The following PLEKHG4B variants were observed in gnomAD, a reference collection of about 807,000 sequenced individuals.
The protein encoded by PLEKHG4B is pleckstrin homology and RhoGEF domain containing G4B.
PLEKHG4B carries 111 observed loss-of-function variants against 121.3 expected under a neutral mutation model. That is an observed-to-expected ratio of 0.92 (90% confidence interval 0.78 to 1.07). The LOEUF is 1.07. Ranked by LOEUF, PLEKHG4B falls within the 50% of genes least tolerant of loss-of-function variation. PLEKHG4B has a pLI of 0.00. For synonymous variants in PLEKHG4B, 738 were observed against 725.0 expected (o/e 1.02, Z -0.29); for missense variants, 1,831 against 1,757.8 (o/e 1.04, Z -0.74).
At chr5:105,805 G>A (rs1311850121) in intron 1 of PLEKHG4B, among the ~76,000 whole-genome samples, 3 of 152,024 alleles carry the variant, frequency 2.0e-5, no homozygotes, top group East Asian at 1.9e-4. Context: ...TCAAGACGAC[G>A]TAAGCAGGAA....
At position 113,155 on chromosome 5, in the gene PLEKHG4B, CT is replaced by C; in HGVS notation, c.46-94del. 2.5e-6 allele frequency: 1 copy of C among 398,318 alleles called. No individual in the cohort carries two copies. The highest frequency in any genetic ancestry group is 4.4e-6 in the Non-Finnish European group (1 of 226,080). The allele number at this position is 398,318 out of a possible 1,614,324, so 24.7% of individuals were successfully genotyped here. ...ATCATGCCAGACACAGGACAAGGGA[CT>C]TCCGTGTGGATCCTTCAGTGCCAGC... On this transcript the variant is annotated intron_variant, in intron 1 of 19. Coordinates refer to ENST00000637938, the MANE Select transcript of PLEKHG4B (RefSeq NM_052909.5). This position sits in a 1 kb window ranked among gnomAD's most constrained non-coding sequence, Gnocchi z 5.2.
At chr5:131,342 T>G (rs1187879681) in intron 2 of PLEKHG4B, among the ~76,000 whole-genome samples, 1 of 152,234 alleles carries the variant, frequency 6.6e-6, no homozygotes, top group Non-Finnish European at 1.5e-5. Flanking sequence ...TTCCCACCTA[T>G]GACAGGGAAC....
chr5:164,881 C>T lies in PLEKHG4B; in HGVS notation c.3476+1333C>T, dbSNP rs186266793. On this transcript the variant is annotated intron_variant, in intron 13 of 19. Transcript: ENST00000637938. The stretch of plus-strand genomic sequence containing the variant: ...GGCGGGGCTCACAGTAATGCTCTGA[C>T]GGGGCGGAGCTCACACAGTAATGCT... Among the ~76,000 whole-genome samples, 163 of 71,688 alleles carry T rather than the reference C, an allele frequency of 2.3e-3. 10 individuals carry two copies. The highest frequency in any genetic ancestry group is 8.0e-3 in the African/African-American group (152 of 18,896). The allele number at this position is 71,688 out of a possible 152,430, so 47.0% of individuals were successfully genotyped here.
intron 16 of PLEKHG4B, among the ~76,000 whole-genome samples, chr5:172,279 T>C (rs1267030771): frequency 6.6e-6 from 1 of 152,168 alleles, no homozygotes; most frequent in Non-Finnish European, 1.5e-5. Context: ...ATGGAGGTCA[T>C]GGGAGAGGCT....
chr5:151,667 G>A, intron 7 of PLEKHG4B, 68 bp downstream of exon 7: 1 of 1,024,128 alleles, frequency 9.8e-7, no homozygotes, highest in South Asian at 1.6e-5. Context: ...TAGATGAGAT[G>A]AAACACATGA....
intron 2 of PLEKHG4B, among the ~76,000 whole-genome samples, chr5:129,864 A>G (rs62344115): frequency 0.011 from 1,599 of 152,068 alleles, 14 homozygotes; most frequent in Non-Finnish European, 0.017. Context: ...AGTCCTGACC[A>G]CTCACAGCTG....
rs139636561 is a variant in PLEKHG4B, at chr5:135,665, C to CAAAA, written c.244-3803_244-3800dup. 3.4e-3 allele frequency among the ~76,000 whole-genome samples: 62 copies of CAAAA among 18,080 alleles called. 2 individuals are homozygous for CAAAA. The highest frequency in any genetic ancestry group is 4.1e-3 in the Non-Finnish European group (47 of 11,472). The allele number at this position is 18,080 out of a possible 152,430, so 11.9% of individuals were successfully genotyped here. ...TGGGCGACAAAGCAAGACTCCATCT[C>CAAAA]AAAAAAAAAAAAAAAAAATATATAT... On this transcript the variant is annotated intron_variant, in intron 2 of 19. Coordinates refer to ENST00000637938, the MANE Select transcript of PLEKHG4B (RefSeq NM_052909.5).
Position 121,458 on chromosome 5 carries a change from T to A in PLEKHG4B, c.243+8010T>A, listed in dbSNP as rs78085950. ...AACAAAACCTCAGTAACTGGTGTCA[T>A]TATCAAGCAGTCGAAATGTGTATAG... On this transcript the variant is annotated intron_variant, in intron 2 of 19. Coordinates refer to ENST00000637938, the MANE Select transcript of PLEKHG4B (RefSeq NM_052909.5). Among the ~76,000 whole-genome samples the A allele has an allele frequency of 7.0e-3, 1,058 of 152,216 alleles. 12 individuals carry two copies. Among genetic ancestry groups the A allele is most frequent in the African/African-American group, 0.024 (999 of 41,532 alleles).
intron 1 of PLEKHG4B, among the ~76,000 whole-genome samples, chr5:99,033 G>A (rs1733716793): frequency 6.8e-6 from 1 of 146,202 alleles, no homozygotes; most frequent in African/African-American, 2.5e-5. Flanking sequence ...CTGTGCACCT[G>A]TAATCCCAGC....
At chr5:145,501 C>T (rs1379453063) in intron 6 of PLEKHG4B, among the ~76,000 whole-genome samples, 2 of 152,242 alleles carry the variant, frequency 1.3e-5, no homozygotes, top group Admixed American at 6.5e-5. Context: ...GCTAGGACTA[C>T]AGGCGCATGC....
At chr5:133,476 A>C (rs1432624189) in intron 2 of PLEKHG4B, among the ~76,000 whole-genome samples, 1 of 152,234 alleles carries the variant, frequency 6.6e-6, no homozygotes, top group Non-Finnish European at 1.5e-5. Flanking sequence ...GGCTAAGGAC[A>C]TGAATAGACA....
intron 2 of PLEKHG4B, among the ~76,000 whole-genome samples, chr5:127,133 C>T (rs994421229): frequency 1.3e-5 from 2 of 152,006 alleles, no homozygotes; most frequent in Non-Finnish European, 2.9e-5. Context: ...TTCTTATTGG[C>T]GCAACTGCCA....
At chr5:124,129 C>T (rs1202712526) in intron 2 of PLEKHG4B, among the ~76,000 whole-genome samples, 1 of 151,846 alleles carries the variant, frequency 6.6e-6, no homozygotes, top group African/African-American at 2.4e-5. Flanking sequence ...GATTAATTTC[C>T]ACAATTTTGT....
chr5:169,189 G>T, intron 13 of PLEKHG4B, 151 bp from the exon 14 acceptor site: 1 of 1,087,076 alleles, frequency 9.2e-7, no homozygotes, highest in Non-Finnish European at 1.3e-6. Context: ...CTTTTTTATC[G>T]TGCATCCCAC....
At chr5:142,242 G>A (rs1735230542) in intron 3 of PLEKHG4B, among the ~76,000 whole-genome samples, 1 of 151,994 alleles carries the variant, frequency 6.6e-6, no homozygotes, top group Non-Finnish European at 1.5e-5. Flanking sequence ...CCTTTGTATT[G>A]ATTTTCTTCC....
At chr5:108,357 C>T (rs575930666) in intron 1 of PLEKHG4B, among the ~76,000 whole-genome samples, 14 of 152,328 alleles carry the variant, frequency 9.2e-5, no homozygotes, top group Admixed American at 7.8e-4. Context: ...GTACCAACTT[C>T]GGGCCAACGG....
rs557331812 is a variant in PLEKHG4B at position 144,982 on chromosome 5, G to A, written c.1905+62G>A. 4.9e-4 allele frequency: 731 copies of A among 1,478,714 alleles called. 5 individuals are homozygous for A. In the South Asian group the frequency reaches 8.0e-3, roughly 16 times the overall value. The allele number at this position is 1,478,714 out of a possible 1,614,324, so 91.6% of individuals were successfully genotyped here. On this transcript the variant is annotated intron_variant, in intron 6 of 19. Transcript: ENST00000637938. ...GCATCGTAGGGCCGTGTGTTGCTGG[G>A]GCTGCCCACATCGTGGTTCTGGAGT...
At chr5:174,191 A>T in intron 18 of PLEKHG4B, 93 bp downstream of exon 18, 5 of 594,530 alleles carry the variant, frequency 8.4e-6, no homozygotes, top group African/African-American at 2.5e-5. Context: ...CCAGGGGCTG[A>T]GTCCAGGGGC....
intron 1 of PLEKHG4B, among the ~76,000 whole-genome samples, chr5:98,645 GTT>G (rs1733700925): frequency 7.2e-6 from 1 of 138,876 alleles, no homozygotes; most frequent in African/African-American, 2.7e-5. Context: ...GTGTGTGTGT[GTT>G]AGTTTTAGTA....
Sources: gnomAD v4.1 joint callset for allele counts (sites outside exome capture counted in the v4.1 genomes callset) on GRCh38, gnomAD v4.1.1 for gene constraint, Gnocchi (gnomAD v3.1) non-coding constraint, MANE v1.5 for transcripts, NCBI Gene and HGNC (gene_info 2026-07-23, HGNC 2026-07-21) for gene names.